CDH12: variants seen among roughly 807,000 people sequenced by gnomAD.
CDH12 encodes cadherin-12.
In CDH12, 41 loss-of-function variants were observed where a neutral mutation model predicts 74.1. The ratio of observed to expected loss-of-function variants is 0.55; its 90% CI spans 0.43 to 0.72. CDH12 has a LOEUF of 0.72. Among genes scored for constraint, CDH12 ranks in the 30% least tolerant of loss-of-function variants. The probability of loss-of-function intolerance (pLI) is 0.00; values close to 1 mark genes in which losing one functional copy is unlikely to be tolerated. For missense variants in CDH12, 945 were observed against 977.2 expected, an observed-to-expected ratio of 0.97 and a Z score of 0.44; for synonymous variants, 399 against 355.0, an observed-to-expected ratio of 1.12 and a Z score of -1.39.
Position 22,085,725 on chromosome 5 carries a change from C to T in CDH12, c.-186-6863G>A, listed in dbSNP as rs143960898. ...AAAAAATCAATGGCAGCATAACTTA[C>T]GTAATCCAAAAAATATTAAAATGTC... On this transcript the variant is annotated intron_variant, in intron 4 of 14. Transcript: ENST00000382254. Among the ~76,000 whole-genome samples the T allele has an allele frequency of 2.8e-3, 420 of 152,102 alleles. 2 individuals are homozygous for T. Among genetic ancestry groups the T allele is most frequent in the African/African-American group, 9.4e-3 (388 of 41,480 alleles).
At chr5:22,636,460 C>A (rs1738846277) in intron 1 of CDH12, among the ~76,000 whole-genome samples, 1 of 152,010 alleles carries the variant, frequency 6.6e-6, no homozygotes, top group African/African-American at 2.4e-5. Flanking sequence ...TATTGTATAT[C>A]CAAACAATGG....
At chr5:22,833,868 T>C (rs1561064401) in intron 1 of CDH12, among the ~76,000 whole-genome samples, 1 of 152,180 alleles carries the variant, frequency 6.6e-6, no homozygotes, top group Non-Finnish European at 1.5e-5. Context: ...GGTTATTTTC[T>C]AAATCAAACA....
chr5:22,033,650 T>C (rs1038607572), intron 5 of CDH12, among the ~76,000 whole-genome samples: 1 of 152,222 alleles, frequency 6.6e-6, no homozygotes, highest in African/African-American at 2.4e-5. Context: ...TTTAAAATTA[T>C]GTCTGTTTTT....
At chr5:22,385,299 T>A (rs985193317) in intron 3 of CDH12, among the ~76,000 whole-genome samples, 3 of 152,188 alleles carry the variant, frequency 2.0e-5, no homozygotes, top group African/African-American at 4.8e-5. Context: ...CAGATCTTTC[T>A]AAATAGTTAT....
intron 5 of CDH12, among the ~76,000 whole-genome samples, chr5:21,985,565 C>T (rs1419254824): frequency 2.6e-5 from 4 of 152,046 alleles, no homozygotes; most frequent in African/African-American, 9.7e-5. Context: ...GTAATATTGT[C>T]ACTGATTTGT....
intron 4 of CDH12, among the ~76,000 whole-genome samples, chr5:22,210,015 A>G (rs1335413343): frequency 2.0e-5 from 3 of 148,324 alleles, no homozygotes; most frequent in Non-Finnish European, 4.5e-5. Context: ...AGGGCAAATA[A>G]CATCCATGTT....
intron 5 of CDH12, among the ~76,000 whole-genome samples, chr5:22,000,091 G>A (rs1736516586): frequency 6.6e-6 from 1 of 151,848 alleles, no homozygotes; most frequent in African/African-American, 2.4e-5. Flanking sequence ...GTGTAGAAAT[G>A]TGACTCCTGC....
intron 1 of CDH12, among the ~76,000 whole-genome samples, chr5:22,665,965 A>C (rs1740591403): frequency 6.6e-6 from 1 of 151,608 alleles, no homozygotes; most frequent in Non-Finnish European, 1.5e-5. Flanking sequence ...TTCCCACTTG[A>C]CTCAATGTTA....
At chr5:21,752,369 C>A (rs1225796523) in intron 14 of CDH12, 133 bp from the exon 15 acceptor site, 4 of 712,710 alleles carry the variant, frequency 5.6e-6, no homozygotes, top group South Asian at 3.8e-5. Context: ...AGTAAACATA[C>A]CATAATCAAT....
chr5:22,487,915 A>G (rs1198875541), intron 2 of CDH12, among the ~76,000 whole-genome samples: 1 of 152,236 alleles, frequency 6.6e-6, no homozygotes, highest in African/African-American at 2.4e-5. Context: ...CTAGTTATGT[A>G]AATCCATCAT....
At position 21,854,642 on chromosome 5, in the gene CDH12, G is replaced by A. The variant is rs376714413; in HGVS notation, c.646+29C>T. 1.3e-4 allele frequency: 183 copies of A among 1,425,574 alleles called. 1 individual carries two copies. Among genetic ancestry groups the A allele is most frequent in the Non-Finnish European group, 1.7e-4 (181 of 1,059,344 alleles). 88.3% of individuals were successfully genotyped at this position (1,425,574 alleles called of 1,614,324 possible). On this transcript the variant is annotated intron_variant, in intron 7 of 14. Transcript: ENST00000382254. ...AAGTTTAAATATTTGAAGGGCTGGT[G>A]ATAATGTTGCCTCTAATAAAAAATT...
intron 1 of CDH12, among the ~76,000 whole-genome samples, chr5:22,700,089 C>T (rs1198546530): frequency 6.6e-6 from 1 of 152,048 alleles, no homozygotes; most frequent in African/African-American, 2.4e-5. Context: ...ATTGCTTGAA[C>T]CCAGGAGGCA....
At chr5:22,791,003 T>C (rs1273601264) in intron 1 of CDH12, among the ~76,000 whole-genome samples, 4 of 152,198 alleles carry the variant, frequency 2.6e-5, no homozygotes, top group African/African-American at 9.6e-5. Context: ...TATATGACCT[T>C]GTGGAGGCCG....
intron 13 of CDH12, among the ~76,000 whole-genome samples, chr5:21,756,829 C>G (rs538582405): frequency 6.6e-6 from 1 of 152,232 alleles, no homozygotes; most frequent in East Asian, 1.9e-4. Flanking sequence ...CTATTTCAAT[C>G]AGATTCCATT....
intron 10 of CDH12, among the ~76,000 whole-genome samples, chr5:21,797,752 T>C (rs1480085666): frequency 6.6e-6 from 1 of 152,182 alleles, no homozygotes; most frequent in Non-Finnish European, 1.5e-5. Context: ...CACCAGGGTC[T>C]TGACTGTAAC....
intron 3 of CDH12, among the ~76,000 whole-genome samples, chr5:22,348,394 C>T (rs1370774157): frequency 6.6e-6 from 1 of 152,104 alleles, no homozygotes; most frequent in Non-Finnish European, 1.5e-5. Context: ...GTCTGCTGAA[C>T]CAACAAAATG....
chr5:22,351,715 C>A (rs1278644429), intron 3 of CDH12, among the ~76,000 whole-genome samples: 2 of 152,162 alleles, frequency 1.3e-5, no homozygotes, highest in South Asian at 2.1e-4. Flanking sequence ...ATATGCAAAT[C>A]AAATTATATT....
chr5:22,283,514 C>T (rs903542056), intron 3 of CDH12, among the ~76,000 whole-genome samples: 15 of 151,612 alleles, frequency 9.9e-5, no homozygotes, highest in Non-Finnish European at 1.6e-4. Flanking sequence ...GACATAAGAA[C>T]AGAAAGGCAA....
At chr5:22,407,024 A>C (rs78058434) in intron 2 of CDH12, among the ~76,000 whole-genome samples, 1 of 152,222 alleles carries the variant, frequency 6.6e-6, no homozygotes, top group African/African-American at 2.4e-5. Flanking sequence ...ATTCTAAGTA[A>C]TGAGAAATTG....
Sources: allele counts gnomAD v4.1 joint callset (sites outside exome capture counted in the v4.1 genomes callset), GRCh38; gene constraint gnomAD v4.1.1; transcripts MANE v1.5; gene names NCBI Gene and HGNC (gene_info 2026-07-23, HGNC 2026-07-21).